Variants in NT5E observed in about 807,000 individuals in gnomAD.
The protein encoded by NT5E is 5'-nucleotidase.
In NT5E, 53 loss-of-function variants were observed where a neutral mutation model predicts 55.1. That is an observed-to-expected ratio of 0.96 (90% CI 0.77 to 1.21). The LOEUF (loss-of-function observed/expected upper bound fraction) is 1.21, where lower values mean the gene tolerates loss of function less well. Ranked by LOEUF, NT5E falls within the 50% of genes most tolerant of loss-of-function variation. The pLI is 0.00. For synonymous variants in NT5E, 270 were observed against 278.4 expected, an observed-to-expected ratio of 0.97 and a Z score of 0.30; for missense variants, 683 against 724.3, an observed-to-expected ratio of 0.94 and a Z score of 0.65.
chr6:85,454,965 G>A (rs1768959832), intron 1 of NT5E, among the ~76,000 whole-genome samples: 1 of 151,750 alleles, frequency 6.6e-6, no homozygotes, highest in Admixed American at 6.6e-5. Context: ...AGGAGGATGG[G>A]GCAAAGGTGT....
At position 85,462,520 on chromosome 6, in the gene NT5E, G is replaced by A. The variant is rs549669419; in HGVS notation, c.340-4540G>A. Among the ~76,000 whole-genome samples the A allele has an allele frequency of 1.4e-3, 211 of 152,224 alleles. 1 individual carries two copies. Among genetic ancestry groups the A allele is most frequent in the African/African-American group, 4.6e-3 (191 of 41,544 alleles). On this transcript the variant is annotated intron_variant, in intron 1 of 8. Coordinates refer to ENST00000257770, the MANE Select transcript of NT5E (RefSeq NM_002526.4). ...TCTCCATAACACCTCTACTGCAGACGTCTGTCTCTGGTGTATCAGCTGTAC... is the reference window on the plus strand; with the variant it reads ...TCTCCATAACACCTCTACTGCAGACATCTGTCTCTGGTGTATCAGCTGTAC...
chr6:85,463,604 G>T (rs1769135520), intron 1 of NT5E, among the ~76,000 whole-genome samples: 1 of 152,160 alleles, frequency 6.6e-6, no homozygotes. Flanking sequence ...ATGATCCCCT[G>T]TATTTCTCTG....
intron 3 of NT5E, among the ~76,000 whole-genome samples, chr6:85,479,645 G>C (rs1299243920): frequency 6.6e-6 from 1 of 152,040 alleles, no homozygotes; most frequent in East Asian, 1.9e-4. Context: ...ATCAATGTAT[G>C]GTCACAGTTA....
intron 1 of NT5E, among the ~76,000 whole-genome samples, chr6:85,455,675 C>A (rs1348287856): frequency 6.6e-6 from 1 of 152,204 alleles, no homozygotes; most frequent in Non-Finnish European, 1.5e-5. Flanking sequence ...AGCCATTCAG[C>A]CAGAAGCACA....
At chr6:85,484,285 C>T (rs938524168) in intron 3 of NT5E, among the ~76,000 whole-genome samples, 1 of 152,192 alleles carries the variant, frequency 6.6e-6, no homozygotes, top group African/African-American at 2.4e-5. Context: ...GTGCCATTGT[C>T]TCCTTGGAGG....
rs148024961 is a variant in NT5E, at chr6:85,470,504, G to A, written c.563-733G>A. Among the ~76,000 whole-genome samples the A allele has an allele frequency of 6.5e-3, 996 of 152,332 alleles. 10 individuals carry two copies. Among genetic ancestry groups the A allele is most frequent in the Non-Finnish European group, 0.011 (727 of 68,024 alleles). On this transcript the variant is annotated intron_variant, in intron 2 of 8. Transcript: ENST00000257770. ...TTGCTCTTGTTGCCCAGGCTGGAGTGCAGTGGTATGGTCTCGGCTCATTGC... is the reference window on the plus strand; with the variant it reads ...TTGCTCTTGTTGCCCAGGCTGGAGTACAGTGGTATGGTCTCGGCTCATTGC...
intron 2 of NT5E, 64 bp downstream of exon 2, chr6:85,467,346 T>G (rs537851623): frequency 8.9e-5 from 119 of 1,330,748 alleles, no homozygotes; most frequent in Non-Finnish European, 1.2e-4. Context: ...AGCTTGGCAT[T>G]ATATTTATGG....
intron 1 of NT5E, among the ~76,000 whole-genome samples, chr6:85,465,117 C>T (rs1028119021): frequency 6.6e-6 from 1 of 152,166 alleles, no homozygotes; most frequent in Non-Finnish European, 1.5e-5. Context: ...CCACATTGAG[C>T]ACCATGAATA....
intron 3 of NT5E, among the ~76,000 whole-genome samples, chr6:85,482,733 G>A (rs1769574031): frequency 1.3e-5 from 2 of 152,200 alleles, no homozygotes; most frequent in South Asian, 4.1e-4. Flanking sequence ...GGTTTCTAAA[G>A]ACAGATGTGT....
At chr6:85,477,084 A>G (rs1020893104) in intron 3 of NT5E, among the ~76,000 whole-genome samples, 1 of 152,030 alleles carries the variant, frequency 6.6e-6, no homozygotes, top group Admixed American at 6.6e-5. Flanking sequence ...CAGGCCTCCT[A>G]TCCATAAATC....
At chr6:85,467,002 G>T in intron 1 of NT5E, 58 bp from the exon 2 acceptor site, 1 of 1,468,376 alleles carries the variant, frequency 6.8e-7, no homozygotes, top group South Asian at 1.2e-5. Flanking sequence ...GAGAAATACT[G>T]GACTAATGTT....
chr6:85,471,518 T>C, intron 3 of NT5E, 93 bp downstream of exon 3: 1 of 904,580 alleles, frequency 1.1e-6, no homozygotes, highest in Non-Finnish European at 1.7e-6. Flanking sequence ...TTTTTACTGC[T>C]ATTTAATATG....
At chr6:85,492,207 A>T (rs760947920) in intron 8 of NT5E, 30 bp downstream of exon 8, 16 of 1,608,202 alleles carry the variant, frequency 9.9e-6, no homozygotes, top group Non-Finnish European at 6.0e-6. Context: ...CCTTTCTCTA[A>T]AGAACAACAA....
At chr6:85,485,546 A>C in intron 4 of NT5E, 114 bp downstream of exon 4, 1 of 1,067,776 alleles carries the variant, frequency 9.4e-7, no homozygotes, top group Non-Finnish European at 1.4e-6. Context: ...ATACTGTTGA[A>C]GAATTTAGTT....
chr6:85,491,376 G>GA (rs1769779869), intron 7 of NT5E: 1 of 325,466 alleles, frequency 3.1e-6, no homozygotes, highest in South Asian at 2.5e-5. Context: ...CCGCTTGACA[G>GA]ATAGAATTGC....
chr6:85,468,297 C>T (rs908776760), intron 2 of NT5E, among the ~76,000 whole-genome samples: 21 of 152,136 alleles, frequency 1.4e-4, no homozygotes, highest in Non-Finnish European at 2.9e-5. Context: ...GAGCTGGAGG[C>T]AGGGTGGAGC....
intron 6 of NT5E, among the ~76,000 whole-genome samples, 184 bp from the exon 7 acceptor site, chr6:85,490,324 G>T (rs1398860785): frequency 1.3e-5 from 2 of 152,178 alleles, no homozygotes; most frequent in African/African-American, 4.8e-5. Context: ...TGGAGTGCAG[G>T]GCCAGAGGCC....
chr6:85,478,197 G>C (rs1263161217), intron 3 of NT5E, among the ~76,000 whole-genome samples: 3 of 152,174 alleles, frequency 2.0e-5, no homozygotes, highest in Admixed American at 2.0e-4. Flanking sequence ...CTTCTGGTTT[G>C]TAATTTTTGC....
intron 1 of NT5E, among the ~76,000 whole-genome samples, chr6:85,466,786 GC>G (rs1769203308): frequency 6.6e-6 from 1 of 152,110 alleles, no homozygotes; most frequent in South Asian, 2.1e-4. Context: ...ATTCAAACCT[GC>G]CCCCAATCTG....
Sources: allele counts gnomAD v4.1 joint callset (sites outside exome capture counted in the v4.1 genomes callset), GRCh38; gene constraint gnomAD v4.1.1; transcripts MANE v1.5; gene names NCBI Gene and HGNC (gene_info 2026-07-23, HGNC 2026-07-21).